SLC25A21: variants seen among roughly 807,000 people sequenced by gnomAD.
SLC25A21 encodes mitochondrial 2-oxodicarboxylate carrier.
SLC25A21 carries 47 observed loss-of-function variants against 43.8 expected under a neutral mutation model. That is an observed-to-expected ratio of 1.07 (90% CI 0.85 to 1.37). The LOEUF is 1.37. Ranked by LOEUF, SLC25A21 falls within the 40% of genes most tolerant of loss-of-function variation. The probability of loss-of-function intolerance (pLI) is 0.00; values close to 1 mark genes in which losing one functional copy is unlikely to be tolerated. For missense variants in SLC25A21, 352 were observed against 350.2 expected (o/e 1.00, Z -0.04); for synonymous variants, 131 against 121.3 (o/e 1.08, Z -0.52).
chr14:36,856,420 CT>C (rs1889900026), intron 2 of SLC25A21, among the ~76,000 whole-genome samples: 1 of 152,104 alleles, frequency 6.6e-6, no homozygotes, highest in African/African-American at 2.4e-5. Flanking sequence ...TCAGACATGG[CT>C]TGTAAGGGAG....
chr14:36,721,122 G>C (rs1884358176), intron 6 of SLC25A21, among the ~76,000 whole-genome samples: 1 of 152,142 alleles, frequency 6.6e-6, no homozygotes, highest in Admixed American at 6.5e-5. Flanking sequence ...GTTATCATTG[G>C]TTGAATGCCT....
intron 6 of SLC25A21, among the ~76,000 whole-genome samples, chr14:36,715,703 G>A (rs1306396640): frequency 1.3e-5 from 2 of 152,196 alleles, no homozygotes; most frequent in Non-Finnish European, 2.9e-5. Flanking sequence ...GGGATATGCT[G>A]ATAATTTTTA....
At chr14:37,087,624 G>C (rs1203064401) in intron 1 of SLC25A21, among the ~76,000 whole-genome samples, 3 of 152,062 alleles carry the variant, frequency 2.0e-5, no homozygotes, top group African/African-American at 7.2e-5. Context: ...CGCTCATCTA[G>C]ATATTGGGAT....
At chr14:36,847,795 A>C (rs562964411) in intron 2 of SLC25A21, among the ~76,000 whole-genome samples, 19 of 152,266 alleles carry the variant, frequency 1.2e-4, no homozygotes, top group Non-Finnish European at 1.9e-4. Context: ...GGCTGCCTGC[A>C]GCCTTGCAAA....
chr14:36,737,921 A>G (rs1566557344), intron 3 of SLC25A21, among the ~76,000 whole-genome samples: 1 of 152,186 alleles, frequency 6.6e-6, no homozygotes, highest in Admixed American at 6.5e-5. Context: ...TTTCTCGAAT[A>G]TTGGTATTTA....
chr14:37,067,668 T>C (rs1249216704), intron 1 of SLC25A21, among the ~76,000 whole-genome samples: 1 of 152,008 alleles, frequency 6.6e-6, no homozygotes, highest in Non-Finnish European at 1.5e-5. Flanking sequence ...AGGCAGAAAA[T>C]AGTCTAGTGT....
chr14:36,719,419 G>A (rs974004041), intron 6 of SLC25A21, among the ~76,000 whole-genome samples: 3 of 152,196 alleles, frequency 2.0e-5, no homozygotes, highest in Non-Finnish European at 4.4e-5. Context: ...CCTGGGTTTA[G>A]TTTGAAGGAT....
At chr14:36,871,648 A>C (rs935433444) in intron 2 of SLC25A21, among the ~76,000 whole-genome samples, 1 of 152,186 alleles carries the variant, frequency 6.6e-6, no homozygotes, top group Non-Finnish European at 1.5e-5. Flanking sequence ...AAACTGTAAG[A>C]GATAATATAT....
intron 1 of SLC25A21, among the ~76,000 whole-genome samples, chr14:36,882,495 T>C (rs1890764319): frequency 6.6e-6 from 1 of 152,206 alleles, no homozygotes. Flanking sequence ...GTAGTCTATG[T>C]GAATGGTATC....
At chr14:36,881,217 C>G (rs985244706) in intron 1 of SLC25A21, among the ~76,000 whole-genome samples, 1 of 152,164 alleles carries the variant, frequency 6.6e-6, no homozygotes, top group African/African-American at 2.4e-5. Flanking sequence ...ACAGAAAACA[C>G]AGATAATCAT....
At chr14:37,059,210 T>C (rs1251825256) in intron 1 of SLC25A21, among the ~76,000 whole-genome samples, 1 of 152,210 alleles carries the variant, frequency 6.6e-6, no homozygotes, top group Non-Finnish European at 1.5e-5. Context: ...GCAGCTACTG[T>C]ATACACATCA....
At chr14:36,931,397 G>C (rs919110458) in intron 1 of SLC25A21, among the ~76,000 whole-genome samples, 2 of 152,124 alleles carry the variant, frequency 1.3e-5, no homozygotes, top group Non-Finnish European at 2.9e-5. Context: ...CTAGCAGAAG[G>C]AGAAGTCTTT....
At chr14:37,166,407 T>C (rs528251173) in intron 1 of SLC25A21, among the ~76,000 whole-genome samples, 1 of 152,354 alleles carries the variant, frequency 6.6e-6, no homozygotes, top group South Asian at 2.1e-4. Context: ...CTACAGCGAT[T>C]ATAAGAGTAG....
At chr14:37,103,948 T>C (rs1396929671) in intron 1 of SLC25A21, among the ~76,000 whole-genome samples, 2 of 152,202 alleles carry the variant, frequency 1.3e-5, no homozygotes, top group Non-Finnish European at 2.9e-5. Context: ...GAAGTGATCC[T>C]GACCCAAATC....
intron 1 of SLC25A21, among the ~76,000 whole-genome samples, chr14:36,896,208 A>G (rs905247465): frequency 2.0e-5 from 3 of 152,142 alleles, no homozygotes; most frequent in Non-Finnish European, 4.4e-5. Context: ...GACTTGCTTT[A>G]TGAATCTGGG....
chr14:36,920,214 G>A (rs1312911424), intron 1 of SLC25A21, among the ~76,000 whole-genome samples: 3 of 151,884 alleles, frequency 2.0e-5, no homozygotes, highest in Non-Finnish European at 4.4e-5. Flanking sequence ...ACATATATAT[G>A]GAAAAACTAA....
chr14:36,880,992 T>G (rs568866352), intron 1 of SLC25A21, among the ~76,000 whole-genome samples: 1 of 152,238 alleles, frequency 6.6e-6, no homozygotes, highest in South Asian at 2.1e-4. Context: ...AGGGACACAT[T>G]GAGAAAGGCT....
rs1328087696 is a variant in SLC25A21 at position 36,776,230 on chromosome 14, C to CTTTTTTTTTT, written c.203+37687_203+37688insAAAAAAAAAA. ...ACTGCTTTCTTTTTTCTTTTTCTTT[C>CTTTTTTTTTT]TTTCTTTCTTTTTTTTTTTTTTTTG... On this transcript the variant is annotated intron_variant, in intron 3 of 9. Coordinates refer to ENST00000331299, the MANE Select transcript of SLC25A21 (RefSeq NM_030631.4). Among the ~76,000 whole-genome samples, 500 of 70,654 alleles carry CTTTTTTTTTT rather than the reference C, an allele frequency of 7.1e-3. 92 individuals are homozygous for CTTTTTTTTTT. Among genetic ancestry groups the CTTTTTTTTTT allele is most frequent in the East Asian group, 0.014 (34 of 2,428 alleles). 46.4% of individuals were successfully genotyped at this position (70,654 alleles called of 152,430 possible).
chr14:37,172,494 G>A lies in SLC25A21; in HGVS notation c.-144C>T. 1 of 855,036 alleles carries A rather than the reference G, an allele frequency of 1.2e-6. No individual in the cohort carries two copies. Among genetic ancestry groups the A allele is most frequent in the Non-Finnish European group, 1.9e-6 (1 of 513,428 alleles). 53.0% of individuals were successfully genotyped at this position (855,036 alleles called of 1,614,324 possible). ...GTGGAGCAGCAATCCGGCGACTGCT[G>A]GAAAGCGAGGGTTCGAGGCGCAGAT... On this transcript the variant is annotated 5_prime_UTR_variant, in exon 1 of 10. Transcript: ENST00000331299.
Sources: allele counts gnomAD v4.1 joint callset (sites outside exome capture counted in the v4.1 genomes callset), GRCh38; gene constraint gnomAD v4.1.1; transcripts MANE v1.5; gene names NCBI Gene and HGNC (gene_info 2026-07-23, HGNC 2026-07-21).